The following MIGA2 variants were observed in gnomAD, a reference collection of about 807,000 sequenced individuals.
MIGA2 encodes the protein family with sequence similarity 73, member B.
MIGA2 carries 36 observed loss-of-function variants against 69.9 expected under a neutral mutation model. The ratio of observed to expected loss-of-function variants is 0.52; its 90% confidence interval spans 0.39 to 0.68. The LOEUF (loss-of-function observed/expected upper bound fraction) is 0.68, where lower values mean the gene tolerates loss of function less well. Among genes scored for constraint, MIGA2 ranks in the 30% least tolerant of loss-of-function variants. MIGA2 has a pLI of 0.00. For synonymous variants in MIGA2, 333 were observed against 349.2 expected (o/e 0.95, Z 0.52); for missense variants, 660 against 787.7 (o/e 0.84, Z 1.94).
rs377014367 is a variant in MIGA2 at position 129,048,539 on chromosome 9, G to A, written c.420G>A (p.Ser140=). The A allele has an allele frequency of 2.0e-5, 33 of 1,613,244 alleles. No individual in the cohort carries two copies. Among genetic ancestry groups the A allele is most frequent in the Non-Finnish European group, 2.5e-5 (29 of 1,179,424 alleles). Reference sequence around the variant, plus strand: ...CGGGCTCCTCCCACAGTGTGGCCTCGGTGAGCAGCAGGTGCCAGGGCTCCA... The same window carrying A: ...CGGGCTCCTCCCACAGTGTGGCCTCAGTGAGCAGCAGGTGCCAGGGCTCCA... ...KHSGSSHSVA[S]MMAVNSSSPT... is the part of the protein sequence containing the mutation. The change falls in exon 4 of 16, where the codon TCG becomes TCA. Residue 140 remains serine, a splice_region_variant and synonymous_variant. Transcript: ENST00000684074.
intron 11 of MIGA2, among the ~76,000 whole-genome samples, chr9:129,064,435 C>G (rs1268290492): frequency 2.6e-5 from 4 of 151,558 alleles, no homozygotes; most frequent in Admixed American, 2.6e-4. Context: ...TCTCGATCTC[C>G]TGACCTCGTG....
Position 129,070,252 on chromosome 9 carries a change from G to A in MIGA2, c.1581G>A (p.Gln527=), listed in dbSNP as rs1321848782. Residue 527 remains glutamine (Q), a synonymous_variant, in exon 16 of 16, where the codon CAG becomes CAA. Coordinates refer to ENST00000684074, the MANE Select transcript of MIGA2 (RefSeq NM_001329990.2). ...LAEVCAFFKH[Q]IVQYLRDMFD... ...CACCAGCCCTGCTCCCCCAGCACCAGATTGTGCAGTACCTGAGGGACATGT... is the reference window on the plus strand; with the variant it reads ...CACCAGCCCTGCTCCCCCAGCACCAAATTGTGCAGTACCTGAGGGACATGT... The A allele has an allele frequency of 6.2e-7, 1 of 1,612,012 alleles. No homozygotes were observed. The highest frequency in any genetic ancestry group is 8.5e-7 in the Non-Finnish European group (1 of 1,179,324).
In MIGA2 at chr9:129,072,000, G is replaced by A. The variant is rs1200732126; in HGVS notation, c.*1547G>A. 6.5e-6 allele frequency: 1 copy of A among 152,702 alleles called. No individual in the cohort carries two copies. Among genetic ancestry groups the A allele is most frequent in the Non-Finnish European group, 1.5e-5 (1 of 68,064 alleles). 9.5% of individuals were successfully genotyped at this position (152,702 alleles called of 1,614,324 possible). A position where few individuals can be genotyped will look rare whatever the true frequency, so the allele number is the denominator to read the frequency against. On this transcript the variant is annotated 3_prime_UTR_variant, in exon 16 of 16. Transcript: ENST00000684074. The stretch of plus-strand genomic sequence containing the variant: ...CATCCATGCACTGCCTGTAGCAGTC[G>A]ATTGTCACAGCTTCGACTTTTGGAT...
At chr9:129,036,883 A>T in intron 1 of MIGA2, 1 of 951,556 alleles carries the variant, frequency 1.1e-6, no homozygotes, top group East Asian at 1.2e-4. Context: ...TACTTGGGTC[A>T]GGGAGGTGAT....
In MIGA2 at chr9:129,061,360, G is replaced by A. The variant is rs781017120; in HGVS notation, c.1010+14G>A. On this transcript the variant is annotated intron_variant, in intron 9 of 15. Coordinates refer to ENST00000684074, the MANE Select transcript of MIGA2 (RefSeq NM_001329990.2). This position sits in a 1 kb window ranked among gnomAD's most constrained non-coding sequence, Gnocchi z 5.0. ...CCGGACCCTCAGGTGAGCAGGTGTG[G>A]AGGGAGGGAGGGAGGGAGCAGGAGG... 1 of 1,097,820 alleles carries A rather than the reference G, an allele frequency of 9.1e-7. No individual in the cohort carries two copies. The highest frequency in any genetic ancestry group is 1.3e-6 in the Non-Finnish European group (1 of 756,396). The allele number at this position is 1,097,820 out of a possible 1,614,324, so 68.0% of individuals were successfully genotyped here. A position where few individuals can be genotyped will look rare whatever the true frequency, so the allele number is the denominator to read the frequency against.
intron 6 of MIGA2, among the ~76,000 whole-genome samples, chr9:129,058,421 G>GT (rs1477342520): frequency 2.1e-5 from 3 of 145,534 alleles, no homozygotes; most frequent in African/African-American, 7.6e-5. Flanking sequence ...AAAAAAAAAA[G>GT]TTTTTTATGT....
In MIGA2 at chr9:129,059,179, C is replaced by T; in HGVS notation, c.701C>T (p.Ala234Val). The T allele has an allele frequency of 6.2e-7, 1 of 1,613,362 alleles. No homozygotes were observed. Among genetic ancestry groups the T allele is most frequent in the East Asian group, 2.2e-5 (1 of 44,874 alleles). Residue 234 changes from alanine to valine, a missense_variant, in exon 7 of 16, where the codon GCA (alanine) becomes GTA (valine). Ala to Val is a moderately conservative substitution (Grantham distance 64). Coordinates refer to ENST00000684074, the MANE Select transcript of MIGA2 (RefSeq NM_001329990.2). The surrounding 1 kb of genome is among the most constrained non-coding windows in gnomAD (Gnocchi z 5.6). ...CCAGAGTCACAGCGGAAGGAGTTTG[C>T]AGAGAAGCTGGAGTCCCTGCTGCAC... is the stretch of plus-strand genomic sequence containing the variant. ...SEPESQRKEF[A>V]EKLESLLHRA...
chr9:129,046,459 G>GTT (rs796633939), intron 3 of MIGA2, among the ~76,000 whole-genome samples: 17 of 139,346 alleles, frequency 1.2e-4, no homozygotes, highest in South Asian at 9.1e-4. Context: ...CCCTGTCTCT[G>GTT]TTTTTTTTTT....
At chr9:129,054,179 T>C (rs1350700128) in intron 6 of MIGA2, among the ~76,000 whole-genome samples, 1 of 152,186 alleles carries the variant, frequency 6.6e-6, no homozygotes, top group Non-Finnish European at 1.5e-5. Context: ...TGGTCCAGCA[T>C]GGTGGCTCAT....
intron 6 of MIGA2, among the ~76,000 whole-genome samples, chr9:129,057,751 A>G (rs921871512): frequency 2.0e-5 from 3 of 151,960 alleles, no homozygotes; most frequent in Non-Finnish European, 4.4e-5. Flanking sequence ...GACTACAGGC[A>G]CACGCCACCA....
In MIGA2 at chr9:129,063,305, CAGGCCTTCGAGGTG is replaced by C. The variant is rs1211739883; in HGVS notation, c.1073_1083+3del. On this transcript the variant is annotated splice_donor_variant and splice_donor_region_variant and coding_sequence_variant and intron_variant, in exon 10 of 16. Coordinates refer to ENST00000684074, the MANE Select transcript of MIGA2 (RefSeq NM_001329990.2). LOFTEE classifies it high-confidence loss of function. ...TCTGGCCAAGCTGCACTGTGTGCGG[CAGGCCTTCGAGGTG>C]GGTGTGGCCTGGGGGTTCCTCGGGG... 6 of 1,613,918 alleles carry C rather than the reference CAGGCCTTCGAGGTG, an allele frequency of 3.7e-6. No individual in the cohort carries two copies.
rs950359748 is a variant in MIGA2, at chr9:129,060,968, T to C, written c.895-263T>C. On this transcript the variant is annotated intron_variant, in intron 8 of 15. Transcript: ENST00000684074. This position sits in a 1 kb window ranked among gnomAD's most constrained non-coding sequence, Gnocchi z 4.8. ...GCACATGGATCAGGCACTGTGTCCTTCCTTGGGATGGGAGGACATGCACAT... is the reference window on the plus strand; with the variant it reads ...GCACATGGATCAGGCACTGTGTCCTCCCTTGGGATGGGAGGACATGCACAT... Among the ~76,000 whole-genome samples the C allele has an allele frequency of 2.6e-5, 4 of 152,232 alleles. No individual in the cohort carries two copies. Among genetic ancestry groups the C allele is most frequent in the Admixed American group, 6.5e-5 (1 of 15,284 alleles).
Position 129,040,577 on chromosome 9 carries a change from T to C in MIGA2, c.-18T>C, listed in dbSNP as rs1488240460. The C allele has an allele frequency of 1.2e-6, 2 of 1,605,620 alleles. No homozygotes were observed. Among genetic ancestry groups the C allele is most frequent in the Admixed American group, 3.4e-5 (2 of 59,444 alleles). On this transcript the variant is annotated 5_prime_UTR_variant, in exon 2 of 16. Coordinates refer to ENST00000684074, the MANE Select transcript of MIGA2 (RefSeq NM_001329990.2). ...AGCTCTTGGCCCTGAGGACTTTGCC[T>C]GGGGCATTGGCCCTGCCATGGCGTT...
chr9:129,057,323 G>T (rs572548597), intron 6 of MIGA2, among the ~76,000 whole-genome samples: 1 of 151,666 alleles, frequency 6.6e-6, no homozygotes, highest in Non-Finnish European at 1.5e-5. Flanking sequence ...ATGGAGTCTC[G>T]CTCTGTTGCC....
At chr9:129,039,458 G>T (rs1022537812) in intron 1 of MIGA2, among the ~76,000 whole-genome samples, 1 of 151,870 alleles carries the variant, frequency 6.6e-6, no homozygotes, top group Non-Finnish European at 1.5e-5. Context: ...TGTTAGCCAG[G>T]ATGATCTTGA....
rs370744025 is a variant in MIGA2 at position 129,061,180 on chromosome 9, C to T, written c.895-51C>T. ...ATGGGCAGGTGCCCTTGCGCCGTGG[C>T]GTGCTGCTCACATGGGCTTCCCTGG... On this transcript the variant is annotated intron_variant, in intron 8 of 15. Transcript: ENST00000684074. This position sits in a 1 kb window ranked among gnomAD's most constrained non-coding sequence, Gnocchi z 5.0. 8 of 1,503,078 alleles carry T rather than the reference C, an allele frequency of 5.3e-6. No homozygotes were observed. Among genetic ancestry groups the T allele is most frequent in the African/African-American group, 1.4e-5 (1 of 72,412 alleles). The allele number at this position is 1,503,078 out of a possible 1,614,324, so 93.1% of individuals were successfully genotyped here. A position where few individuals can be genotyped will look rare whatever the true frequency, so the allele number is the denominator to read the frequency against.
rs1205949974 is a variant in MIGA2, at chr9:129,040,543, C to A, written c.-52C>A. On this transcript the variant is annotated 5_prime_UTR_variant, in exon 2 of 16. Transcript: ENST00000684074. ...CAGCTGGCAACCAGTTGAAGACGTT[C>A]TCCTTGGAAGCTCTTGGCCCTGAGG... 2 of 1,572,738 alleles carry A rather than the reference C, an allele frequency of 1.3e-6. No homozygotes were observed. The highest frequency in any genetic ancestry group is 1.2e-5 in the South Asian group (1 of 86,554).
chr9:129,042,834 G>T (rs776875698), intron 3 of MIGA2, among the ~76,000 whole-genome samples: 1 of 152,178 alleles, frequency 6.6e-6, no homozygotes, highest in Non-Finnish European at 1.5e-5. Flanking sequence ...TCCCCAGGCT[G>T]AGGAGCAGGA....
In MIGA2 at chr9:129,042,479, T is replaced by A. The variant is rs1844969164; in HGVS notation, c.272T>A (p.Ile91Asn). The A allele has an allele frequency of 1.9e-6, 3 of 1,596,176 alleles. No individual in the cohort carries two copies. Among genetic ancestry groups the A allele is most frequent in the South Asian group, 1.1e-5 (1 of 88,900 alleles). The change falls in exon 3 of 16, where the codon ATC becomes AAC. Residue 91 changes from isoleucine (I) to asparagine (N), a missense_variant. Transcript: ENST00000684074. The part of the protein sequence containing the change: ...GEQLGTVPLP[I>N]LLARKVPSVK... ...CAGCTGGGCACGGTGCCCCTCCCTA[T>A]CCTCTTGGCCAGGAAGGTCCCTTCA...
Sources: allele counts gnomAD v4.1 joint callset (sites outside exome capture counted in the v4.1 genomes callset), GRCh38; gene constraint gnomAD v4.1.1; non-coding constraint Gnocchi (gnomAD v3.1); transcripts MANE v1.5; gene names NCBI Gene and HGNC (gene_info 2026-07-23, HGNC 2026-07-21).